The following NRXN3 variants were observed in gnomAD, a reference collection of about 807,000 sequenced individuals.
NRXN3 encodes the protein neurexin III.
A neutral mutation model predicts 137.6 loss-of-function variants in NRXN3; 32 were observed. That is an observed-to-expected ratio of 0.23 (90% confidence interval 0.18 to 0.31). The LOEUF (loss-of-function observed/expected upper bound fraction) is 0.31, where lower values mean the gene tolerates loss of function less well. Ranked by LOEUF, NRXN3 falls within the 10% of genes least tolerant of loss-of-function variation. The pLI is 1.00. For synonymous variants in NRXN3, 798 were observed against 784.5 expected, an observed-to-expected ratio of 1.02 and a Z score of -0.29; for missense variants, 1,574 against 2,062.5, an observed-to-expected ratio of 0.76 and a Z score of 4.59.
Position 79,856,383 on chromosome 14 carries a change from G to A in NRXN3, c.4094-4959G>A, listed in dbSNP as rs1049589305. Among the ~76,000 whole-genome samples, 4 of 152,110 alleles carry A rather than the reference G, an allele frequency of 2.6e-5. No individual in the cohort carries two copies. The East Asian group carries it at 7.7e-4, about 29-fold the overall frequency. On this transcript the variant is annotated intron_variant, in intron 20 of 20. Transcript: ENST00000335750. ...ATCTTTGAAAAATTAATTCTTGGGG[G>A]GAAAAGAATTATTTCCCCTTATCAT...
chr14:79,849,391 C>T (rs564827800), intron 20 of NRXN3, among the ~76,000 whole-genome samples: 3 of 152,250 alleles, frequency 2.0e-5, no homozygotes, highest in Non-Finnish European at 2.9e-5. Flanking sequence ...TTATAAACAA[C>T]TCATACAGCT....
At chr14:78,213,889 C>CGCCAG (rs954563275) in intron 1 of NRXN3, among the ~76,000 whole-genome samples, 14 of 152,180 alleles carry the variant, frequency 9.2e-5, no homozygotes, top group African/African-American at 3.4e-4. Flanking sequence ...TCTGTTTATT[C>CGCCAG]GCCAGAAACT....
chr14:78,927,140 G>GT (rs1043057578), intron 10 of NRXN3, among the ~76,000 whole-genome samples: 9 of 96,396 alleles, frequency 9.3e-5, no homozygotes, highest in Admixed American at 8.7e-4. Context: ...AAGTGTTGGA[G>GT]TGAGACCCTC....
intron 15 of NRXN3, among the ~76,000 whole-genome samples, chr14:79,296,461 C>A (rs59489898): frequency 0.11 from 15,962 of 148,452 alleles, 1,014 homozygotes; most frequent in Middle Eastern, 0.17. Context: ...AAAAAAAAAA[C>A]CAGATGTTCC....
chr14:78,875,476 A>G (rs1417141067), intron 10 of NRXN3, among the ~76,000 whole-genome samples: 2 of 152,218 alleles, frequency 1.3e-5, no homozygotes, highest in African/African-American at 2.4e-5. Context: ...CGTAATAAAA[A>G]TACACTTTGG....
intron 15 of NRXN3, among the ~76,000 whole-genome samples, chr14:79,257,393 GGTGGTGGTGGTGGTGGTGGT>G (rs2076764217): frequency 9.9e-6 from 1 of 100,972 alleles, no homozygotes; most frequent in Non-Finnish European, 2.1e-5. Context: ...TGGTGATGGT[GGTGGTGGTGGTGGTGGTGGT>G]GATGGTGGTG....
intron 15 of NRXN3, among the ~76,000 whole-genome samples, chr14:79,290,026 C>A (rs931358389): frequency 2.0e-5 from 3 of 152,048 alleles, no homozygotes; most frequent in Admixed American, 6.5e-5. Flanking sequence ...TCCTCTCACC[C>A]CCCCACGTTA....
At chr14:78,742,593 C>A (rs548860200) in intron 8 of NRXN3, among the ~76,000 whole-genome samples, 3 of 152,272 alleles carry the variant, frequency 2.0e-5, no homozygotes, top group Admixed American at 2.0e-4. Context: ...ATTCTTGGAA[C>A]TTTGACCAGA....
chr14:78,887,955 C>T (rs570124722), intron 10 of NRXN3, among the ~76,000 whole-genome samples: 1 of 152,046 alleles, frequency 6.6e-6, no homozygotes, highest in Non-Finnish European at 1.5e-5. Context: ...CTCTGACTTC[C>T]TAGAAGTGGC....
At chr14:78,774,102 T>TTATTTTCTTATTTGCATGCTTTATACC (rs1398489599) in intron 8 of NRXN3, among the ~76,000 whole-genome samples, 59 of 152,266 alleles carry the variant, frequency 3.9e-4, no homozygotes, top group African/African-American at 1.1e-3. Flanking sequence ...GCCCGGCCAC[T>TTATTTTCTTATTTGCATGCTTTATACC]TATTTTCTTA....
At chr14:78,349,805 G>T (rs921756199) in intron 4 of NRXN3, among the ~76,000 whole-genome samples, 8 of 152,186 alleles carry the variant, frequency 5.3e-5, no homozygotes, top group South Asian at 2.1e-4. Flanking sequence ...ACAACTCAGG[G>T]TGCTACTGTG....
intron 15 of NRXN3, among the ~76,000 whole-genome samples, chr14:78,994,811 T>C (rs1455025846): frequency 2.6e-5 from 4 of 152,196 alleles, no homozygotes; most frequent in African/African-American, 9.7e-5. Context: ...TTATTGTAGC[T>C]AATTATAATA....
intron 19 of NRXN3, among the ~76,000 whole-genome samples, chr14:79,715,958 A>G (rs189767724): frequency 3.6e-4 from 55 of 152,364 alleles, no homozygotes; most frequent in Admixed American, 3.6e-3. Flanking sequence ...CATTGATGCT[A>G]AAGTCTGGAA....
chr14:79,406,394 T>C (rs376899374), intron 15 of NRXN3, among the ~76,000 whole-genome samples: 68 of 152,116 alleles, frequency 4.5e-4, no homozygotes, highest in Admixed American at 1.4e-3. Context: ...AACTTCTGCC[T>C]CCTGGGCTCA....
chr14:79,423,609 C>T (rs889735161), intron 15 of NRXN3, among the ~76,000 whole-genome samples: 3 of 152,158 alleles, frequency 2.0e-5, no homozygotes, highest in Non-Finnish European at 4.4e-5. Flanking sequence ...AGAAAGCTCC[C>T]CTCCACTTTT....
Position 78,896,483 on chromosome 14 carries a change from C to T in NRXN3, c.2276-60759C>T, listed in dbSNP as rs192066966. On this transcript the variant is annotated intron_variant, in intron 10 of 20. Transcript: ENST00000335750. ...CTTGAATGCGTCCTAGTATATTCAG[C>T]TCCACAATGATGCCTAGGGTTTCAT... is the stretch of plus-strand genomic sequence containing the variant. Among the ~76,000 whole-genome samples, 360 of 151,830 alleles carry T rather than the reference C, an allele frequency of 2.4e-3. 1 individual carries two copies. The highest frequency in any genetic ancestry group is 0.014 in the Middle Eastern group (4 of 294).
At chr14:79,345,144 A>G (rs2092804215) in intron 15 of NRXN3, among the ~76,000 whole-genome samples, 1 of 152,134 alleles carries the variant, frequency 6.6e-6, no homozygotes. Context: ...CCAACTACCC[A>G]GAAAATTACT....
At chr14:79,064,246 T>C (rs1272734354) in intron 15 of NRXN3, among the ~76,000 whole-genome samples, 1 of 152,116 alleles carries the variant, frequency 6.6e-6, no homozygotes, top group Non-Finnish European at 1.5e-5. Flanking sequence ...AGAACTACAA[T>C]GCCAGCAGAA....
chr14:78,822,590 A>G (rs980900661), intron 10 of NRXN3, among the ~76,000 whole-genome samples: 5 of 151,814 alleles, frequency 3.3e-5, no homozygotes, highest in Admixed American at 6.6e-5. Context: ...CAGGAGAATC[A>G]CTTGAACCTG....
Sources: gnomAD v4.1 joint callset for allele counts (sites outside exome capture counted in the v4.1 genomes callset) on GRCh38, gnomAD v4.1.1 for gene constraint, MANE v1.5 for transcripts, NCBI Gene and HGNC (gene_info 2026-07-23, HGNC 2026-07-21) for gene names.